EHMT1: variants seen among roughly 807,000 people sequenced by gnomAD.
The protein encoded by EHMT1 is euchromatic histone lysine methyltransferase 1.
In EHMT1, 15 loss-of-function variants were observed where a neutral mutation model predicts 147.2. The observed-to-expected ratio is 0.10, with a 90% CI of 0.07 to 0.16. The LOEUF (loss-of-function observed/expected upper bound fraction) is 0.16. Among genes scored for constraint, EHMT1 ranks in the 10% least tolerant of loss-of-function variants. The pLI, the probability that EHMT1 is intolerant of heterozygous loss-of-function variation, is 1.00. For synonymous variants in EHMT1, 795 were observed against 709.6 expected (o/e 1.12, Z -1.91); for missense variants, 1,587 against 1,772.4 (o/e 0.90, Z 1.88).
In EHMT1 at chr9:137,716,931, G is replaced by A. The variant is rs990229301; in HGVS notation, c.391G>A (p.Ala131Thr). Residue 131 changes from alanine to threonine, a missense_variant, in exon 3 of 27, where the codon GCC (alanine) becomes ACC (threonine). Physicochemically the swap from Ala to Thr is moderately conservative, Grantham distance 58. Transcript: ENST00000460843. The part of the protein sequence containing the change: ...GSNGYILNKP[A>T]LQAQPLRTTS... Reference sequence around the variant, plus strand: ...CAACGGATACATCTTAAATAAGCCGGCCCTACAGGCACAGCCCTTGAGGAC... The same window carrying A: ...CAACGGATACATCTTAAATAAGCCGACCCTACAGGCACAGCCCTTGAGGAC... 6.2e-7 allele frequency: 1 copy of A among 1,612,806 alleles called. No homozygotes were observed. The highest frequency in any genetic ancestry group is 8.5e-7 in the Non-Finnish European group (1 of 1,179,846).
intron 1 of EHMT1, among the ~76,000 whole-genome samples, chr9:137,633,528 A>G (rs1843760750): frequency 6.6e-6 from 1 of 152,192 alleles, no homozygotes; most frequent in South Asian, 2.1e-4. Context: ...TTCCAGTATC[A>G]GTCCAGGAGC....
intron 1 of EHMT1, among the ~76,000 whole-genome samples, chr9:137,669,743 T>A (rs10867049): frequency 0.24 from 35,946 of 151,926 alleles, 4,802 homozygotes; most frequent in African/African-American, 0.34. Context: ...AAAAAAAAAT[T>A]AATCTCCTTA....
intron 1 of EHMT1, among the ~76,000 whole-genome samples, chr9:137,635,111 G>A (rs910942026): frequency 6.6e-6 from 1 of 151,914 alleles, no homozygotes; most frequent in African/African-American, 2.4e-5. Flanking sequence ...TGTTGAATAT[G>A]TAGATCAGTT....
intron 9 of EHMT1, among the ~76,000 whole-genome samples, chr9:137,761,939 AC>A (rs1175805780): frequency 6.6e-6 from 1 of 151,938 alleles, no homozygotes; most frequent in Non-Finnish European, 1.5e-5. Context: ...GGTGCCCTCC[AC>A]CCCCGCCCCT....
At position 137,835,031 on chromosome 9, in the gene EHMT1, G is replaced by A; in HGVS notation, c.*78G>A. The A allele has an allele frequency of 3.8e-6, 5 of 1,332,520 alleles. No homozygotes were observed. The highest frequency in any genetic ancestry group is 1.6e-5 in the African/African-American group (1 of 63,764). The allele number at this position is 1,332,520 out of a possible 1,614,324, so 82.5% of individuals were successfully genotyped here. A position where few individuals can be genotyped will look rare whatever the true frequency, so the allele number is the denominator to read the frequency against. ...TTAGAGGACGAGGAGGAGAGATTCC[G>A]CACGCAACCGAAAGGGTCCTTCGGG... On this transcript the variant is annotated 3_prime_UTR_variant, in exon 27 of 27. Transcript: ENST00000460843.
At chr9:137,777,193 A>G in intron 12 of EHMT1, 1 of 317,306 alleles carries the variant, frequency 3.2e-6, no homozygotes. Context: ...GTTCTGTGGT[A>G]TTAAGGTTTG....
chr9:137,656,151 G>A (rs1367883778), intron 1 of EHMT1, among the ~76,000 whole-genome samples: 1 of 152,154 alleles, frequency 6.6e-6, no homozygotes, highest in African/African-American at 2.4e-5. Context: ...AGGCCGAGGT[G>A]GGCGGATCAC....
At chr9:137,679,467 G>C (rs1391799866) in intron 1 of EHMT1, among the ~76,000 whole-genome samples, 1 of 151,994 alleles carries the variant, frequency 6.6e-6, no homozygotes, top group African/African-American at 2.4e-5. Context: ...TTTTGTTAGG[G>C]GTTACTGATG....
intron 1 of EHMT1, among the ~76,000 whole-genome samples, chr9:137,662,762 G>A (rs772449398): frequency 2.0e-5 from 3 of 147,916 alleles, no homozygotes; most frequent in African/African-American, 5.0e-5. Flanking sequence ...GTGAGCCACC[G>A]CGGCTGGCCT....
chr9:137,762,534 G>T lies in EHMT1; in HGVS notation c.1502-141G>T. The T allele has an allele frequency of 2.1e-6, 3 of 1,439,686 alleles. 1 individual carries two copies. The South Asian group carries it at 3.7e-5, about 18-fold the overall frequency. The allele number at this position is 1,439,686 out of a possible 1,614,324, so 89.2% of individuals were successfully genotyped here. ...TGGTGGCCATCCCCGCCCCACGCAG[G>T]GCTGTTTGTGCTGGGTAATCAACCG... is the stretch of plus-strand genomic sequence containing the variant. On this transcript the variant is annotated intron_variant, in intron 9 of 26. Coordinates refer to ENST00000460843, the MANE Select transcript of EHMT1 (RefSeq NM_024757.5).
chr9:137,815,979 G>A lies in EHMT1; in HGVS notation c.3291G>A (p.Ala1097=), dbSNP rs573650226. Residue 1097 remains alanine (A), a synonymous_variant, in exon 23 of 27, where the codon GCG becomes GCA. Coordinates refer to ENST00000460843, the MANE Select transcript of EHMT1 (RefSeq NM_024757.5). ...DGRLLPEFNM[A]EPPLIFECNH... Reference sequence around the variant, plus strand: ...GGCTCCTGCCAGAGTTCAACATGGCGGAGCCTCCCTTGATCTTCGAATGCA... The same window carrying A: ...GGCTCCTGCCAGAGTTCAACATGGCAGAGCCTCCCTTGATCTTCGAATGCA... The A allele has an allele frequency of 4.0e-5, 64 of 1,611,456 alleles. 2 individuals are homozygous for A. In the South Asian group the frequency reaches 4.9e-4, roughly 12 times the overall value.
Position 137,835,797 on chromosome 9 carries a change from A to G in EHMT1, c.*844A>G, listed in dbSNP as rs1956540308. 2 of 152,606 alleles carry G rather than the reference A, an allele frequency of 1.3e-5. No homozygotes were observed. Among genetic ancestry groups the G allele is most frequent in the African/African-American group, 4.8e-5 (2 of 41,470 alleles). The allele number at this position is 152,606 out of a possible 1,614,324, so 9.5% of individuals were successfully genotyped here. ...CCACGTGAAATAAACTATCAACTGT[A>G]TAAAGAGAACAAAGTGATTTTAGAA... On this transcript the variant is annotated 3_prime_UTR_variant, in exon 27 of 27. Coordinates refer to ENST00000460843, the MANE Select transcript of EHMT1 (RefSeq NM_024757.5).
intron 2 of EHMT1, among the ~76,000 whole-genome samples, chr9:137,711,717 T>C (rs562218021): frequency 6.6e-6 from 1 of 152,130 alleles, no homozygotes; most frequent in African/African-American, 2.4e-5. Context: ...TTGGAGAGCC[T>C]GCACCACCAA....
intron 1 of EHMT1, among the ~76,000 whole-genome samples, chr9:137,641,921 C>A (rs1213398932): frequency 1.3e-5 from 2 of 152,004 alleles, no homozygotes; most frequent in African/African-American, 4.8e-5. Flanking sequence ...GCCCCCATGC[C>A]CTCCAACTCC....
chr9:137,720,756 G>T (rs1381389647), intron 3 of EHMT1, among the ~76,000 whole-genome samples: 3 of 152,180 alleles, frequency 2.0e-5, no homozygotes, highest in African/African-American at 4.8e-5. Context: ...GGTGTGGACA[G>T]CCTTGTACGT....
At position 137,744,102 on chromosome 9, in the gene EHMT1, T is replaced by C; in HGVS notation, c.1170+12T>C. The C allele has an allele frequency of 1.9e-6, 3 of 1,613,842 alleles. No individual in the cohort carries two copies. Among genetic ancestry groups the C allele is most frequent in the Non-Finnish European group, 2.5e-6 (3 of 1,180,030 alleles). On this transcript the variant is annotated intron_variant, in intron 6 of 26. Coordinates refer to ENST00000460843, the MANE Select transcript of EHMT1 (RefSeq NM_024757.5). ...ATCGCGCCCAGAAGGTATGTGTTGCTGTCTTGGGTGACAGCACAAGGAAAG... is the reference window on the plus strand; with the variant it reads ...ATCGCGCCCAGAAGGTATGTGTTGCCGTCTTGGGTGACAGCACAAGGAAAG...
At chr9:137,696,609 C>G (rs1438126473) in intron 1 of EHMT1, among the ~76,000 whole-genome samples, 1 of 152,120 alleles carries the variant, frequency 6.6e-6, no homozygotes, top group Non-Finnish European at 1.5e-5. Flanking sequence ...GGGAGAAGGA[C>G]CTTCCTTCTA....
intron 1 of EHMT1, among the ~76,000 whole-genome samples, chr9:137,640,160 C>T (rs928188086): frequency 1.3e-5 from 2 of 152,190 alleles, no homozygotes; most frequent in African/African-American, 4.8e-5. Context: ...TTCTTGAACT[C>T]CTGAACTCAG....
At chr9:137,633,373 G>A (rs140432680) in intron 1 of EHMT1, among the ~76,000 whole-genome samples, 1 of 151,446 alleles carries the variant, frequency 6.6e-6, no homozygotes, top group East Asian at 1.9e-4. Flanking sequence ...ATTTTTGGGG[G>A]GATAACATTT....
Sources: gnomAD v4.1 joint callset for allele counts (sites outside exome capture counted in the v4.1 genomes callset) on GRCh38, gnomAD v4.1.1 for gene constraint, MANE v1.5 for transcripts, NCBI Gene and HGNC (gene_info 2026-07-23, HGNC 2026-07-21) for gene names.